Variants in PHACTR4 observed in about 807,000 individuals in gnomAD.
PHACTR4 encodes the protein protein phosphatase 1, regulatory subunit 124.
A neutral mutation model predicts 72.7 loss-of-function variants in PHACTR4; 51 were observed. The ratio of observed to expected loss-of-function variants is 0.70; its 90% confidence interval spans 0.56 to 0.89. The LOEUF (loss-of-function observed/expected upper bound fraction) is 0.89, where lower values mean the gene tolerates loss of function less well. Ranked by LOEUF, PHACTR4 falls within the 40% of genes least tolerant of loss-of-function variation. The pLI is 0.00. For synonymous variants in PHACTR4, 255 were observed against 302.5 expected (o/e 0.84, Z 1.63); for missense variants, 731 against 861.8 (o/e 0.85, Z 1.90).
chr1:28,489,231 T>A lies in PHACTR4; in HGVS notation c.1816+6T>A. ...ACAACGCAATATATTGCAACGTGAG[T>A]CCAGTTATGGAAATAAAGTTGTATA... On this transcript the variant is annotated splice_donor_region_variant and intron_variant, in intron 10 of 13. Transcript: ENST00000373839. 1 of 1,607,000 alleles carries A rather than the reference T, an allele frequency of 6.2e-7. No individual in the cohort carries two copies. Among genetic ancestry groups the A allele is most frequent in the East Asian group, 2.2e-5 (1 of 44,790 alleles).
At chr1:28,421,876 A>G (rs892434633) in intron 2 of PHACTR4, among the ~76,000 whole-genome samples, 1 of 152,238 alleles carries the variant, frequency 6.6e-6, no homozygotes, top group Admixed American at 6.5e-5. Flanking sequence ...TCCGGGATAC[A>G]TGGCTTAATG....
At chr1:28,450,974 C>CCTTTTTTTTTTTT in intron 2 of PHACTR4, among the ~76,000 whole-genome samples, 1 of 72,058 alleles carries the variant, frequency 1.4e-5, no homozygotes, top group Admixed American at 1.5e-4. Flanking sequence ...CCACACCCAG[C>CCTTTTTTTTTTTT]TTTTTTTTTT....
chr1:28,494,515 A>G (rs1367191138), intron 13 of PHACTR4, among the ~76,000 whole-genome samples: 2 of 152,128 alleles, frequency 1.3e-5, no homozygotes, highest in East Asian at 3.9e-4. Context: ...TTAGCCGGGC[A>G]TGGTGGCATG....
chr1:28,445,464 T>C (rs563106835), intron 2 of PHACTR4, among the ~76,000 whole-genome samples: 34 of 148,634 alleles, frequency 2.3e-4, no homozygotes, highest in African/African-American at 7.6e-4. Flanking sequence ...ACTTTCCTTC[T>C]CTGTCTTTCC....
At chr1:28,435,498 C>T (rs1020044080) in intron 2 of PHACTR4, among the ~76,000 whole-genome samples, 1 of 152,206 alleles carries the variant, frequency 6.6e-6, no homozygotes, top group Non-Finnish European at 1.5e-5. Context: ...CTCCTGACCT[C>T]AGGTGATCTG....
chr1:28,487,420 T>C (rs1419462304), intron 9 of PHACTR4, among the ~76,000 whole-genome samples: 4 of 146,602 alleles, frequency 2.7e-5, no homozygotes, highest in Non-Finnish European at 6.0e-5. Context: ...ATCCTTGAGG[T>C]AGGAGGATCA....
chr1:28,398,628 G>A (rs1653707011), intron 1 of PHACTR4, among the ~76,000 whole-genome samples: 1 of 152,064 alleles, frequency 6.6e-6, no homozygotes, highest in Non-Finnish European at 1.5e-5. Context: ...AGACCAGCCT[G>A]GTGAACATGG....
At chr1:28,443,040 A>G (rs1277689419) in intron 2 of PHACTR4, among the ~76,000 whole-genome samples, 1 of 152,030 alleles carries the variant, frequency 6.6e-6, no homozygotes, top group African/African-American at 2.4e-5. Flanking sequence ...TCTAGCTGTA[A>G]TTTTGTATTC....
Position 28,448,416 on chromosome 1 carries a change from G to GGGGAAAGGAGAAAGGAAAGGAAAA in PHACTR4, c.17-10660_17-10659insGAAAGGAAAGGAAAAGGGAAAGGA, listed in dbSNP as rs1657634354. Among the ~76,000 whole-genome samples, 11 of 145,574 alleles carry GGGGAAAGGAGAAAGGAAAGGAAAA rather than the reference G, an allele frequency of 7.6e-5. 1 individual carries two copies. Among genetic ancestry groups the GGGGAAAGGAGAAAGGAAAGGAAAA allele is most frequent in the Middle Eastern group, 3.4e-3 (1 of 292 alleles). On this transcript the variant is annotated intron_variant, in intron 2 of 13. Coordinates refer to ENST00000373839, the MANE Select transcript of PHACTR4 (RefSeq NM_001048183.3). Reference sequence around the variant, plus strand: ...AGAAAAGAAAAGAAAGGAAAGGAAAGGGGAAAGGAAAAAGGAAAGGAAAGG... The same window carrying GGGGAAAGGAGAAAGGAAAGGAAAA: ...AGAAAAGAAAAGAAAGGAAAGGAAAGGGGAAAGGAGAAAGGAAAGGAAAAGGGAAAGGAAAAAGGAAAGGAAAGG...
chr1:28,441,969 G>A (rs1217087430), intron 2 of PHACTR4, among the ~76,000 whole-genome samples: 1 of 151,768 alleles, frequency 6.6e-6, no homozygotes, highest in Non-Finnish European at 1.5e-5. Flanking sequence ...TCCAGCCTGG[G>A]TGTCAGAGGG....
At chr1:28,416,047 G>C (rs886748027) in intron 2 of PHACTR4, among the ~76,000 whole-genome samples, 4 of 152,126 alleles carry the variant, frequency 2.6e-5, no homozygotes, top group Non-Finnish European at 5.9e-5. Flanking sequence ...CATTTTTGAT[G>C]TTATGTTGTT....
rs572763805 is a variant in PHACTR4 at position 28,376,435 on chromosome 1, C to A, written c.-39+6610C>A. ...GGCTCAAGCACTCCTCCCACCTCAACCCCCTGAGTAACTGGGACTACAGGC... is the reference window on the plus strand; with the variant it reads ...GGCTCAAGCACTCCTCCCACCTCAAACCCCTGAGTAACTGGGACTACAGGC... On this transcript the variant is annotated intron_variant, in intron 1 of 13. Coordinates refer to ENST00000373839, the MANE Select transcript of PHACTR4 (RefSeq NM_001048183.3). Among the ~76,000 whole-genome samples the A allele has an allele frequency of 3.9e-3, 595 of 151,906 alleles. 4 individuals carry two copies. Among genetic ancestry groups the A allele is most frequent in the African/African-American group, 0.013 (549 of 41,520 alleles).
chr1:28,455,717 A>T (rs1288252012), intron 2 of PHACTR4, among the ~76,000 whole-genome samples: 1 of 152,194 alleles, frequency 6.6e-6, no homozygotes, highest in Non-Finnish European at 1.5e-5. Context: ...AATTGGGCTG[A>T]TTCCAAGTAT....
chr1:28,452,122 G>C (rs559764831), intron 2 of PHACTR4, among the ~76,000 whole-genome samples: 154 of 152,190 alleles, frequency 1.0e-3, no homozygotes, highest in Non-Finnish European at 1.8e-3. Flanking sequence ...AAACAACACA[G>C]GTTTCAACTG....
At chr1:28,491,874 C>T in intron 12 of PHACTR4, 87 bp downstream of exon 12, 3 of 1,431,576 alleles carry the variant, frequency 2.1e-6, no homozygotes, top group Non-Finnish European at 2.8e-6. Flanking sequence ...GAAGGGAGAA[C>T]CATAAACAAA....
chr1:28,416,336 C>T (rs1200609805), intron 2 of PHACTR4, among the ~76,000 whole-genome samples: 1 of 152,124 alleles, frequency 6.6e-6, no homozygotes, highest in Non-Finnish European at 1.5e-5. Flanking sequence ...TTTACTGTTA[C>T]ATCCTACCCA....
chr1:28,398,216 G>A (rs1653669435), intron 1 of PHACTR4, among the ~76,000 whole-genome samples: 1 of 152,150 alleles, frequency 6.6e-6, no homozygotes, highest in Non-Finnish European at 1.5e-5. Context: ...ATTAGCAACA[G>A]CAGCATTAAA....
At chr1:28,376,637 C>T (rs1159403276) in intron 1 of PHACTR4, among the ~76,000 whole-genome samples, 2 of 144,692 alleles carry the variant, frequency 1.4e-5, no homozygotes, top group Non-Finnish European at 3.1e-5. Context: ...CCTATGTAGA[C>T]CTTTTAATTT....
At position 28,466,672 on chromosome 1, in the gene PHACTR4, A is replaced by G. The variant is rs1659191865; in HGVS notation, c.727A>G (p.Thr243Ala). ...GCCTGCTGCTCCTGCCAGCACTAACACTACTGCTACCCCAAGCCTCACTCA... is the reference window on the plus strand; with the variant it reads ...GCCTGCTGCTCCTGCCAGCACTAACGCTACTGCTACCCCAAGCCTCACTCA... ...TLPAAPASTN[T>A]TATPSLTHMV... Residue 243 changes from threonine to alanine, a missense_variant, in exon 6 of 14, where the codon ACT becomes GCT. Coordinates refer to ENST00000373839, the MANE Select transcript of PHACTR4 (RefSeq NM_001048183.3). 2 of 1,613,610 alleles carry G rather than the reference A, an allele frequency of 1.2e-6. No homozygotes were observed. The highest frequency in any genetic ancestry group is 1.7e-5 in the Admixed American group (1 of 59,930).
Sources: allele counts gnomAD v4.1 joint callset (sites outside exome capture counted in the v4.1 genomes callset), GRCh38; gene constraint gnomAD v4.1.1; transcripts MANE v1.5; gene names NCBI Gene and HGNC (gene_info 2026-07-23, HGNC 2026-07-21).